CHAF1A: variants seen among roughly 807,000 people sequenced by gnomAD.
CHAF1A encodes CAF-1 subunit A.
In CHAF1A, 5 loss-of-function variants were observed where a neutral mutation model predicts 93.2. The observed-to-expected ratio is 0.05, with a 90% CI of 0.03 to 0.11. The LOEUF (loss-of-function observed/expected upper bound fraction) is 0.11. CHAF1A is among the 10% of genes least tolerant of loss of function. The pLI is 1.00. For synonymous variants in CHAF1A, 504 were observed against 510.3 expected (o/e 0.99, Z 0.17); for missense variants, 1,102 against 1,259.9 (o/e 0.87, Z 1.90).
At chr19:4,440,282 C>T (rs992674589) in intron 13 of CHAF1A, among the ~76,000 whole-genome samples, 1 of 152,008 alleles carries the variant, frequency 6.6e-6, no homozygotes, top group Non-Finnish European at 1.5e-5. Flanking sequence ...CTGTCTTTCT[C>T]CTTTGGTGAA....
rs9352 is a variant in CHAF1A, at chr19:4,442,339, C to T, written c.2768C>T (p.Ala923Val). The change falls in exon 14 of 15, where the codon GCG becomes GTG. Residue 923 changes from alanine to valine, a missense_variant and splice_region_variant. Physicochemically the swap from Ala to Val is moderately conservative, Grantham distance 64. Transcript: ENST00000301280. Reference sequence around the variant, plus strand: ...ATGATCGTGGATGTCCCGGATGCTGCGGGTGAGAAGGGCTGTAGATAGCAG... The same window carrying T: ...ATGATCGTGGATGTCCCGGATGCTGTGGGTGAGAAGGGCTGTAGATAGCAG... ...DCMIVDVPDAAEVQAPCGAAS... is the reference protein window; with the variant it reads ...DCMIVDVPDAVEVQAPCGAAS... The T allele has an allele frequency of 0.55, 872,255 of 1,586,522 alleles. 242,824 individuals are homozygous for T. The highest frequency in any genetic ancestry group is 0.75 in the Admixed American group (41,430 of 55,202).
intron 4 of CHAF1A, among the ~76,000 whole-genome samples, chr19:4,418,295 T>A (rs964065346): frequency 6.6e-6 from 1 of 152,186 alleles, no homozygotes; most frequent in Non-Finnish European, 1.5e-5. Flanking sequence ...GTTTTGTGTG[T>A]GGCCTTTTCT....
downstream of CHAF1A, chr19:4,445,326 G>C (rs1458421353): frequency 1.7e-6 from 2 of 1,143,476 alleles, no homozygotes; most frequent in East Asian, 2.4e-5. Context: ...CCAAGGGATG[G>C]GGGCTCTGCC....
In CHAF1A at chr19:4,428,757, C is replaced by T; in HGVS notation, c.1471C>T (p.Leu491Phe). 7 of 1,614,218 alleles carry T rather than the reference C, an allele frequency of 4.3e-6. No homozygotes were observed. The highest frequency in any genetic ancestry group is 5.9e-6 in the Non-Finnish European group (7 of 1,180,038). The change falls in exon 8 of 15, where the codon CTC becomes TTC. Residue 491 changes from leucine to phenylalanine, a missense_variant. Leu to Phe is a conservative substitution (Grantham distance 22). Around this residue, in one of 6 missense-constraint regions of CHAF1A, gnomAD observed 165 missense variants for 243.9 expected, o/e 0.68. Coordinates refer to ENST00000301280, the MANE Select transcript of CHAF1A (RefSeq NM_005483.3). ...GCGTCGGACCGCTTTCCATCCAGAC[C>T]TCTGCAGTCAGCTGGACCAGCTCCT... is the stretch of plus-strand genomic sequence containing the variant. ...PRRRTAFHPD[L>F]CSQLDQLLQQ...
chr19:4,424,378 A>G (rs1356396435), intron 7 of CHAF1A, among the ~76,000 whole-genome samples: 1 of 152,072 alleles, frequency 6.6e-6, no homozygotes, highest in Non-Finnish European at 1.5e-5. Flanking sequence ...TGCTCCACTC[A>G]CTGTATTTAT....
At chr19:4,448,663 G>C (rs764515567), downstream of CHAF1A, 2 of 542,022 alleles carry the variant, frequency 3.7e-6, no homozygotes, top group East Asian at 3.1e-5. Flanking sequence ...CTCAAGGCTA[G>C]ATCCATGGGA....
At chr19:4,441,995 A>G (rs1486481746) in intron 13 of CHAF1A, among the ~76,000 whole-genome samples, 1 of 152,276 alleles carries the variant, frequency 6.6e-6, no homozygotes, top group Non-Finnish European at 1.5e-5. Flanking sequence ...GCAGTTGGCA[A>G]TGATGGCTGT....
At chr19:4,409,959 A>C (rs1973762895) in intron 3 of CHAF1A, among the ~76,000 whole-genome samples, 200 bp downstream of exon 3, 1 of 152,188 alleles carries the variant, frequency 6.6e-6, no homozygotes, top group African/African-American at 2.4e-5. Flanking sequence ...CCTGGGACTT[A>C]ATTCATCAAC....
chr19:4,413,781 T>C (rs1973850213), intron 3 of CHAF1A, among the ~76,000 whole-genome samples: 1 of 152,208 alleles, frequency 6.6e-6, no homozygotes, highest in Non-Finnish European at 1.5e-5. Context: ...GTTGTTGTTT[T>C]AGTACTGCAG....
chr19:4,446,224 T>C, downstream of CHAF1A: 3 of 1,583,686 alleles, frequency 1.9e-6, no homozygotes, highest in Non-Finnish European at 2.6e-6. Context: ...TCAGAGCGGG[T>C]GGGGCCCAGG....
chr19:4,436,229 G>T (rs966560285), intron 13 of CHAF1A, among the ~76,000 whole-genome samples: 3 of 152,130 alleles, frequency 2.0e-5, no homozygotes, highest in Non-Finnish European at 4.4e-5. Context: ...TCTCCCTGCT[G>T]CCAGCACACA....
At position 4,442,247 on chromosome 19, in the gene CHAF1A, T is replaced by C. The variant is rs150686707; in HGVS notation, c.2676T>C (p.Ile892=). The C allele has an allele frequency of 1.6e-5, 26 of 1,613,926 alleles. No individual in the cohort carries two copies. The Middle Eastern group carries it at 8.3e-4, about 51-fold the overall frequency. The change falls in exon 14 of 15, where the codon ATT becomes ATC. Residue 892 remains isoleucine (I), a splice_region_variant and synonymous_variant. Coordinates refer to ENST00000301280, the MANE Select transcript of CHAF1A (RefSeq NM_005483.3). ...GGCCGTGTACCCTGTCTGTCCAGAT[T>C]GGTGCTGAAGACATGGACGGCTTCC... The part of the protein sequence containing the change: ...FMKKRRHDGQ[I]GAEDMDGFQA...
rs561741385 is a variant in CHAF1A, at chr19:4,412,991, A to G, written c.960+3232A>G. On this transcript the variant is annotated intron_variant, in intron 3 of 14. Transcript: ENST00000301280. The stretch of plus-strand genomic sequence containing the variant: ...GAGAGAGACTCCATCCCCAACCCCT[A>G]CTTTATCTCCGAACCTTTAAGGAGT... Among the ~76,000 whole-genome samples the G allele has an allele frequency of 3.3e-4, 50 of 152,224 alleles. 1 individual carries two copies. In the South Asian group the frequency reaches 5.8e-3, roughly 18 times the overall value.
intron 3 of CHAF1A, among the ~76,000 whole-genome samples, chr19:4,415,385 G>A (rs556501080): frequency 1.3e-5 from 2 of 152,264 alleles, no homozygotes; most frequent in East Asian, 3.9e-4. Flanking sequence ...GCAGAGGGGG[G>A]GCATTGTAAG....
At chr19:4,435,712 T>TCTGTC (rs1974272092) in intron 13 of CHAF1A, among the ~76,000 whole-genome samples, 1 of 152,206 alleles carries the variant, frequency 6.6e-6, no homozygotes, top group Admixed American at 6.5e-5. Context: ...CGCAGACCTA[T>TCTGTC]CTGTCCCTGT....
chr19:4,417,556 G>A (rs1973917039), intron 3 of CHAF1A, among the ~76,000 whole-genome samples: 1 of 150,764 alleles, frequency 6.6e-6, no homozygotes, highest in African/African-American at 2.4e-5. Context: ...CTTCTCCTGG[G>A]TTCAAGCGAT....
chr19:4,410,998 T>C (rs143021525), intron 3 of CHAF1A, among the ~76,000 whole-genome samples: 1 of 152,216 alleles, frequency 6.6e-6, no homozygotes, highest in African/African-American at 2.4e-5. Context: ...TGGTGTCTTT[T>C]GATTTTATAA....
intron 7 of CHAF1A, among the ~76,000 whole-genome samples, chr19:4,425,817 A>C (rs921842109): frequency 6.6e-6 from 1 of 152,084 alleles, no homozygotes; most frequent in South Asian, 2.1e-4. Context: ...CAGATGGGAA[A>C]CTCAGATGTA....
At chr19:4,420,809 A>G (rs967266432) in intron 4 of CHAF1A, among the ~76,000 whole-genome samples, 3 of 152,128 alleles carry the variant, frequency 2.0e-5, no homozygotes, top group African/African-American at 4.8e-5. Flanking sequence ...GCAATGGGTC[A>G]TGCCTGTAAT....
Sources: gnomAD v4.1 joint callset for allele counts (sites outside exome capture counted in the v4.1 genomes callset) on GRCh38, gnomAD v4.1.1 for gene constraint, gnomAD v4.1.1 regional missense constraint, MANE v1.5 for transcripts, NCBI Gene and HGNC (gene_info 2026-07-23, HGNC 2026-07-21) for gene names.